CNTN4: variants seen among roughly 807,000 people sequenced by gnomAD.
CNTN4 encodes contactin-4.
A neutral mutation model predicts 122.5 loss-of-function variants in CNTN4; 77 were observed. The ratio of observed to expected loss-of-function variants is 0.63; its 90% CI spans 0.52 to 0.76. CNTN4 has a LOEUF of 0.76. Ranked by LOEUF, CNTN4 falls within the 30% of genes least tolerant of loss-of-function variation. The pLI, the probability that CNTN4 is intolerant of heterozygous loss-of-function variation, is 0.00. For synonymous variants in CNTN4, 512 were observed against 447.0 expected, an observed-to-expected ratio of 1.15 and a Z score of -1.83; for missense variants, 1,256 against 1,259.1, an observed-to-expected ratio of 1.00 and a Z score of 0.04.
rs538101192 is a variant in CNTN4, at chr3:2,105,494, C to A, written c.-145+4855C>A. On this transcript the variant is annotated intron_variant, in intron 2 of 24. Coordinates refer to ENST00000418658, the MANE Select transcript of CNTN4 (RefSeq NM_175607.3). ...ACCATGGCAGAAGGCACGAGAGAAG[C>A]AAAGGCAGGTCTTACATGGCGGCAG... is the stretch of plus-strand genomic sequence containing the variant. Among the ~76,000 whole-genome samples the A allele has an allele frequency of 7.2e-5, 11 of 152,268 alleles. No individual in the cohort carries two copies. In the South Asian group the frequency reaches 2.1e-3, roughly 29 times the overall value.
chr3:2,614,526 T>C (rs1440300023), intron 4 of CNTN4, among the ~76,000 whole-genome samples: 1 of 152,100 alleles, frequency 6.6e-6, no homozygotes, highest in Non-Finnish European at 1.5e-5. Context: ...AAGACCAAAC[T>C]GGTGTAGTGA....
intron 3 of CNTN4, among the ~76,000 whole-genome samples, chr3:2,355,761 A>G (rs558553378): frequency 6.6e-4 from 100 of 152,288 alleles, no homozygotes; most frequent in Admixed American, 9.8e-4. Context: ...AGTGAGAAAA[A>G]TCTCCTGCTC....
At chr3:2,703,366 C>A (rs113373624) in intron 4 of CNTN4, among the ~76,000 whole-genome samples, 6 of 152,116 alleles carry the variant, frequency 3.9e-5, no homozygotes, top group Non-Finnish European at 8.8e-5. Context: ...AAAAAAACTA[C>A]CTAGCCTTTT....
At chr3:2,612,294 C>T (rs77085506) in intron 4 of CNTN4, among the ~76,000 whole-genome samples, 2 of 152,214 alleles carry the variant, frequency 1.3e-5, no homozygotes, top group Non-Finnish European at 2.9e-5. Flanking sequence ...AATGAGATCA[C>T]TTACCTAGCC....
intron 10 of CNTN4, among the ~76,000 whole-genome samples, chr3:2,899,271 T>G (rs2094147296): frequency 6.6e-6 from 1 of 152,238 alleles, no homozygotes; most frequent in South Asian, 2.1e-4. Flanking sequence ...AGCAATTTCC[T>G]TTTGAATTAA....
At position 2,916,626 on chromosome 3, in the gene CNTN4, T is replaced by C. The variant is rs1431656200; in HGVS notation, c.1208-9003T>C. 1.1e-4 allele frequency among the ~76,000 whole-genome samples: 14 copies of C among 122,930 alleles called. 2 individuals carry two copies. The highest frequency in any genetic ancestry group is 1.6e-4 in the Non-Finnish European group (9 of 57,740). The allele number at this position is 122,930 out of a possible 152,430, so 80.6% of individuals were successfully genotyped here. A position where few individuals can be genotyped will look rare whatever the true frequency, so the allele number is the denominator to read the frequency against. ...TTTCTACACAGACACAGCAACAATC[T>C]GATTTCTCTTTCCTTTCCCCACACT... On this transcript the variant is annotated intron_variant, in intron 12 of 24. Coordinates refer to ENST00000418658, the MANE Select transcript of CNTN4 (RefSeq NM_175607.3).
At chr3:2,689,235 T>C (rs2085596753) in intron 4 of CNTN4, among the ~76,000 whole-genome samples, 1 of 152,060 alleles carries the variant, frequency 6.6e-6, no homozygotes, top group Non-Finnish European at 1.5e-5. Context: ...GGGAAGGAGA[T>C]CTAAATTCCA....
intron 4 of CNTN4, among the ~76,000 whole-genome samples, chr3:2,605,951 T>C (rs1169539122): frequency 6.6e-6 from 1 of 152,152 alleles, no homozygotes; most frequent in Non-Finnish European, 1.5e-5. Flanking sequence ...ATGATGTAAG[T>C]GGCTACGTTG....
At chr3:2,446,649 A>G (rs929071795) in intron 3 of CNTN4, among the ~76,000 whole-genome samples, 9 of 152,292 alleles carry the variant, frequency 5.9e-5, no homozygotes, top group East Asian at 1.9e-4. Flanking sequence ...TAAGTGTAAA[A>G]CACCTCCTGC....
At position 2,736,249 on chromosome 3, in the gene CNTN4, A is replaced by C; in HGVS notation, c.90A>C (p.Gln30His). 1 of 1,613,778 alleles carries C rather than the reference A, an allele frequency of 6.2e-7. No individual in the cohort carries two copies. The highest frequency in any genetic ancestry group is 8.5e-7 in the Non-Finnish European group (1 of 1,179,798). ...CACTGCATGGCCCGATTTTTATTCA[A>C]GAACCAAGTCCTGTAATGTTCCCTT... Reference protein sequence around the residue: ...DSTLHGPIFIQEPSPVMFPLD... With the variant: ...DSTLHGPIFIHEPSPVMFPLD... Residue 30 changes from glutamine to histidine, a missense_variant, in exon 5 of 25, where the codon CAA (glutamine) becomes CAC (histidine). Transcript: ENST00000418658.
chr3:2,227,571 C>G (rs1379738568), intron 2 of CNTN4, among the ~76,000 whole-genome samples: 1 of 152,148 alleles, frequency 6.6e-6, no homozygotes, highest in Non-Finnish European at 1.5e-5. Flanking sequence ...TCTTCTCTCT[C>G]TCTGCACTTC....
intron 4 of CNTN4, among the ~76,000 whole-genome samples, chr3:2,698,535 T>C (rs1016561507): frequency 6.6e-6 from 1 of 152,214 alleles, no homozygotes; most frequent in Admixed American, 6.5e-5. Flanking sequence ...TGGTGATTAA[T>C]TTTTTAAAAA....
intron 3 of CNTN4, among the ~76,000 whole-genome samples, chr3:2,484,821 G>T (rs971367168): frequency 1.3e-5 from 2 of 152,234 alleles, no homozygotes; most frequent in Non-Finnish European, 2.9e-5. Context: ...CCATGCTCGA[G>T]GAGCCCTTCA....
intron 3 of CNTN4, among the ~76,000 whole-genome samples, chr3:2,393,802 A>G (rs2046532661): frequency 6.6e-6 from 1 of 152,128 alleles, no homozygotes; most frequent in African/African-American, 2.4e-5. Flanking sequence ...TTCAAATAAT[A>G]TAATGACCAG....
At chr3:2,641,667 C>A (rs1048301682) in intron 4 of CNTN4, among the ~76,000 whole-genome samples, 13 of 152,066 alleles carry the variant, frequency 8.5e-5, no homozygotes, top group Non-Finnish European at 2.9e-5. Context: ...CTCTAAATAT[C>A]CCCCCCAAAC....
At chr3:2,392,724 A>C (rs1176539234) in intron 3 of CNTN4, among the ~76,000 whole-genome samples, 1 of 152,192 alleles carries the variant, frequency 6.6e-6, no homozygotes, top group Non-Finnish European at 1.5e-5. Context: ...GCAATAGAAC[A>C]CAAAAGCTCA....
chr3:2,710,495 T>C (rs1352055757), intron 4 of CNTN4, among the ~76,000 whole-genome samples: 1 of 152,212 alleles, frequency 6.6e-6, no homozygotes, highest in Non-Finnish European at 1.5e-5. Context: ...ACCTGGTCTT[T>C]TGTTTTCCTG....
chr3:2,313,930 C>T (rs1156706583), intron 2 of CNTN4, among the ~76,000 whole-genome samples: 1 of 151,848 alleles, frequency 6.6e-6, no homozygotes, highest in Non-Finnish European at 1.5e-5. Flanking sequence ...ATTGGAAAAG[C>T]ATATAAAGTT....
chr3:2,251,640 C>G (rs761518870), intron 2 of CNTN4, among the ~76,000 whole-genome samples: 1 of 151,676 alleles, frequency 6.6e-6, no homozygotes, highest in Non-Finnish European at 1.5e-5. Context: ...TTTAATTTAG[C>G]CCTTATTATA....
Sources: gnomAD v4.1 joint callset for allele counts (sites outside exome capture counted in the v4.1 genomes callset) on GRCh38, gnomAD v4.1.1 for gene constraint, MANE v1.5 for transcripts, NCBI Gene and HGNC (gene_info 2026-07-23, HGNC 2026-07-21) for gene names.